The following HERC4 variants were observed in gnomAD, a reference collection of about 807,000 sequenced individuals.
HERC4 encodes the protein probable E3 ubiquitin-protein ligase HERC4.
HERC4 carries 28 observed loss-of-function variants against 124.3 expected under a neutral mutation model. That is an observed-to-expected ratio of 0.23 (90% CI 0.17 to 0.31). The LOEUF is 0.31. Among genes scored for constraint, HERC4 ranks in the 10% least tolerant of loss-of-function variants. HERC4 has a pLI of 1.00. For missense variants in HERC4, 713 were observed against 1,229.3 expected (o/e 0.58, Z 6.28); for synonymous variants, 407 against 421.5 (o/e 0.97, Z 0.42).
In HERC4 at chr10:67,922,925, C is replaced by A; in HGVS notation, c.*6G>T. ...TGCACTAAACTGAATAGTTATAACTCCAAAGTTATATTAAACTGAAGCCTT... is the reference window on the plus strand; with the variant it reads ...TGCACTAAACTGAATAGTTATAACTACAAAGTTATATTAAACTGAAGCCTT... On this transcript the variant is annotated 3_prime_UTR_variant, in exon 25 of 25. Coordinates refer to ENST00000373700, the MANE Select transcript of HERC4 (RefSeq NM_015601.4). 6.3e-7 allele frequency: 1 copy of A among 1,581,014 alleles called. No individual in the cohort carries two copies. The highest frequency in any genetic ancestry group is 1.1e-5 in the South Asian group (1 of 89,264).
At chr10:68,058,679 C>T (rs940690728) in intron 3 of HERC4, among the ~76,000 whole-genome samples, 2 of 152,098 alleles carry the variant, frequency 1.3e-5, no homozygotes, top group African/African-American at 4.8e-5. Flanking sequence ...ACCTCCACCT[C>T]CCGGGTTCAA....
At chr10:68,042,261 C>T (rs900217086) in intron 4 of HERC4, among the ~76,000 whole-genome samples, 10 of 152,164 alleles carry the variant, frequency 6.6e-5, no homozygotes, top group Admixed American at 6.5e-4. Flanking sequence ...CCCACCTCGG[C>T]CTCCCAAAGT....
intron 19 of HERC4, among the ~76,000 whole-genome samples, chr10:67,953,276 A>G (rs758787083): frequency 2.0e-5 from 3 of 152,244 alleles, no homozygotes; most frequent in Non-Finnish European, 4.4e-5. Flanking sequence ...ACTTGGTGGT[A>G]TAACAATAGA....
At chr10:68,001,788 C>T (rs1272966388) in intron 9 of HERC4, among the ~76,000 whole-genome samples, 1 of 152,160 alleles carries the variant, frequency 6.6e-6, no homozygotes, top group Admixed American at 6.6e-5. Flanking sequence ...TTCTAGGTAC[C>T]TCTTATCAGT....
At chr10:68,012,625 T>A (rs1366956199) in intron 9 of HERC4, among the ~76,000 whole-genome samples, 1 of 152,178 alleles carries the variant, frequency 6.6e-6, no homozygotes, top group Non-Finnish European at 1.5e-5. Context: ...ATTACATCAA[T>A]GACCACTGAT....
intron 6 of HERC4, among the ~76,000 whole-genome samples, chr10:68,033,688 T>C (rs1282014371): frequency 6.6e-6 from 1 of 152,218 alleles, no homozygotes; most frequent in Non-Finnish European, 1.5e-5. Flanking sequence ...TGGCCAATAA[T>C]GGATTAACAA....
At chr10:68,003,526 C>T (rs760218751) in intron 9 of HERC4, among the ~76,000 whole-genome samples, 23 of 152,110 alleles carry the variant, frequency 1.5e-4, no homozygotes, top group Middle Eastern at 3.4e-3. Context: ...CACTACCCTT[C>T]CCAGCCTCTG....
intron 22 of HERC4, among the ~76,000 whole-genome samples, chr10:67,935,663 G>A (rs1290331736): frequency 6.6e-6 from 1 of 152,190 alleles, no homozygotes; most frequent in African/African-American, 2.4e-5. Context: ...AGGCCAGAGA[G>A]GGGCAGTTGC....
chr10:67,939,626 C>T lies in HERC4; in HGVS notation c.2533G>A (p.Glu845Lys). 1 of 1,609,114 alleles carries T rather than the reference C, an allele frequency of 6.2e-7. No homozygotes were observed. Among genetic ancestry groups the T allele is most frequent in the Non-Finnish European group, 8.5e-7 (1 of 1,177,760 alleles). Residue 845 changes from glutamate (E) to lysine (K), a missense_variant, in exon 21 of 25, where the codon GAA becomes AAA. Coordinates refer to ENST00000373700, the MANE Select transcript of HERC4 (RefSeq NM_015601.4). Reference protein sequence around the residue: ...RSMQQLLDYPEDDIEETFCLN... With the variant: ...RSMQQLLDYPKDDIEETFCLN... ...CAAAATGTTTCCTCTATGTCATCTT[C>T]TGGATAATCCAGTAACTGTTGCATG...
intron 1 of HERC4, chr10:68,074,759 C>T (rs1475324817): frequency 1.3e-5 from 2 of 152,472 alleles, no homozygotes; most frequent in Non-Finnish European, 2.9e-5. Flanking sequence ...AGAAGCCCAT[C>T]CCCAGGCAGA....
At chr10:67,980,577 A>G (rs1378439137) in intron 15 of HERC4, among the ~76,000 whole-genome samples, 1 of 152,228 alleles carries the variant, frequency 6.6e-6, no homozygotes, top group East Asian at 1.9e-4. Context: ...TAAAGGTATA[A>G]AACTCAATAG....
At chr10:67,933,806 T>G (rs2032076468) in intron 22 of HERC4, among the ~76,000 whole-genome samples, 1 of 152,208 alleles carries the variant, frequency 6.6e-6, no homozygotes, top group African/African-American at 2.4e-5. Flanking sequence ...TCTCATCTAG[T>G]TCTCAACCCC....
chr10:67,937,041 A>C (rs1324707000), intron 21 of HERC4, among the ~76,000 whole-genome samples: 1 of 152,202 alleles, frequency 6.6e-6, no homozygotes, highest in Non-Finnish European at 1.5e-5. Flanking sequence ...GGAAGTGTGA[A>C]AGAACTTGAG....
intron 15 of HERC4, among the ~76,000 whole-genome samples, chr10:67,979,868 T>C (rs11527388): frequency 0.093 from 13,932 of 150,316 alleles, 1,042 homozygotes; most frequent in East Asian, 0.41. Context: ...ACCTGAGAGG[T>C]GGAGCTTGCG....
chr10:67,928,884 G>T (rs2031466991), intron 23 of HERC4, among the ~76,000 whole-genome samples: 1 of 151,892 alleles, frequency 6.6e-6, no homozygotes, highest in South Asian at 2.1e-4. Context: ...TTGAGCCACT[G>T]CACTCCAGCC....
chr10:68,066,744 A>G (rs1021755635), intron 3 of HERC4, among the ~76,000 whole-genome samples: 3 of 152,176 alleles, frequency 2.0e-5, no homozygotes, highest in Admixed American at 2.0e-4. Flanking sequence ...GATATATACA[A>G]TATATAACAG....
intron 16 of HERC4, among the ~76,000 whole-genome samples, chr10:67,963,984 C>T (rs78543319): frequency 0.035 from 4,553 of 128,844 alleles, 239 homozygotes; most frequent in African/African-American, 0.11. Flanking sequence ...GTTTGAGAAG[C>T]TTTACCTAGG....
At chr10:68,072,516 T>C (rs1050286198) in intron 3 of HERC4, among the ~76,000 whole-genome samples, 8 of 152,028 alleles carry the variant, frequency 5.3e-5, no homozygotes, top group Admixed American at 5.2e-4. Context: ...CCTCCCAAAG[T>C]AAGGTAAACA....
chr10:68,013,682 T>G (rs2038100541), intron 9 of HERC4, among the ~76,000 whole-genome samples: 1 of 152,218 alleles, frequency 6.6e-6, no homozygotes, highest in African/African-American at 2.4e-5. Context: ...TGAATATGCT[T>G]AATGCTACTT....
Sources: gnomAD v4.1 joint callset for allele counts (sites outside exome capture counted in the v4.1 genomes callset) on GRCh38, gnomAD v4.1.1 for gene constraint, MANE v1.5 for transcripts, NCBI Gene and HGNC (gene_info 2026-07-23, HGNC 2026-07-21) for gene names.